Variants in SNX16 observed in about 807,000 individuals in gnomAD.
SNX16 encodes the protein sorting nexin-16.
A neutral mutation model predicts 36.7 loss-of-function variants in SNX16; 35 were observed. The ratio of observed to expected loss-of-function variants is 0.95; its 90% confidence interval spans 0.73 to 1.27. SNX16 has a LOEUF of 1.27. Among genes scored for constraint, SNX16 ranks in the 50% most tolerant of loss-of-function variants. The probability of loss-of-function intolerance (pLI) is 0.00; values close to 1 mark genes in which losing one functional copy is unlikely to be tolerated. For missense variants in SNX16, 367 were observed against 393.6 expected (o/e 0.93, Z 0.57); for synonymous variants, 134 against 132.0 (o/e 1.02, Z -0.10).
chr8:81,813,098 C>A (rs771439436), intron 5 of SNX16, among the ~76,000 whole-genome samples: 2 of 151,708 alleles, frequency 1.3e-5, no homozygotes, highest in African/African-American at 2.4e-5. Context: ...AGACAGATGT[C>A]GGAAAGAATA....
intron 2 of SNX16, among the ~76,000 whole-genome samples, chr8:81,832,992 T>C (rs559883922): frequency 6.6e-6 from 1 of 151,832 alleles, no homozygotes; most frequent in Admixed American, 6.6e-5. Context: ...AATGTGTGAC[T>C]AGTCAAAATT....
intron 1 of SNX16, among the ~76,000 whole-genome samples, chr8:81,841,460 T>C (rs1461022190): frequency 6.6e-6 from 1 of 151,562 alleles, no homozygotes; most frequent in African/African-American, 2.4e-5. Context: ...CCTGACGGCC[T>C]CCCCAAAAAC....
intron 5 of SNX16, among the ~76,000 whole-genome samples, chr8:81,805,767 A>G (rs2130593858): frequency 6.6e-6 from 1 of 152,142 alleles, no homozygotes; most frequent in Admixed American, 6.5e-5. Context: ...AAAAATACAA[A>G]AAAATTAGCT....
intron 5 of SNX16, among the ~76,000 whole-genome samples, chr8:81,810,177 C>G (rs1338454197): frequency 6.6e-6 from 1 of 151,810 alleles, no homozygotes; most frequent in African/African-American, 2.4e-5. Flanking sequence ...ACAGTAAGAC[C>G]TCATTTCTTC....
chr8:81,832,541 TA>T, intron 2 of SNX16, among the ~76,000 whole-genome samples: 1 of 152,206 alleles, frequency 6.6e-6, no homozygotes, highest in East Asian at 1.9e-4. Flanking sequence ...CCTTTGAATC[TA>T]AAATGAAAGT....
chr8:81,799,822 T>C lies in SNX16; in HGVS notation c.*1675A>G, dbSNP rs1585965609. ...TATCTAGAATTTGGCAAAGATCTGT[T>C]ATATAAGATACAGAATGGTACTGAT... On this transcript the variant is annotated 3_prime_UTR_variant, in exon 8 of 8. Coordinates refer to ENST00000345957, the MANE Select transcript of SNX16 (RefSeq NM_152836.3). 1 of 151,898 alleles carries C rather than the reference T, an allele frequency of 6.6e-6. No individual in the cohort carries two copies. Among genetic ancestry groups the C allele is most frequent in the East Asian group, 1.9e-4 (1 of 5,200 alleles). 9.4% of individuals were successfully genotyped at this position (151,898 alleles called of 1,614,324 possible).
At chr8:81,820,619 A>G (rs1297224787) in intron 4 of SNX16, among the ~76,000 whole-genome samples, 1 of 142,110 alleles carries the variant, frequency 7.0e-6, no homozygotes, top group Non-Finnish European at 1.6e-5. Context: ...TTTCTGACTT[A>G]TATCCATTTT....
rs117653912 is a variant in SNX16, at chr8:81,811,439, T to C, written c.681+3886A>G. ...ATGACCTTAACTTTAAATACACTCC[T>C]TAGACTATATACAGATCCATTACCA... On this transcript the variant is annotated intron_variant, in intron 5 of 7. Transcript: ENST00000345957. Among the ~76,000 whole-genome samples the C allele has an allele frequency of 6.5e-3, 994 of 152,298 alleles. 11 individuals are homozygous for C. The highest frequency in any genetic ancestry group is 0.011 in the Non-Finnish European group (754 of 68,012).
intron 4 of SNX16, among the ~76,000 whole-genome samples, chr8:81,822,937 TATACATATAC>T (rs1810818463): frequency 1.2e-5 from 1 of 80,998 alleles, no homozygotes; most frequent in Admixed American, 1.3e-4. Flanking sequence ...TATATATATA[TATACATATAC>T]ATATATATAT....
chr8:81,808,281 G>T (rs746318245), intron 5 of SNX16: 16 of 1,152,560 alleles, frequency 1.4e-5, no homozygotes, highest in Non-Finnish European at 2.1e-5. Context: ...ACTATACCAT[G>T]AATGGCCACA....
At chr8:81,804,267 A>AAATTATGT in intron 5 of SNX16, among the ~76,000 whole-genome samples, 1 of 152,088 alleles carries the variant, frequency 6.6e-6, no homozygotes, top group East Asian at 1.9e-4. Context: ...AAGAACTATT[A>AAATTATGT]AATTATGTAC....
intron 5 of SNX16, among the ~76,000 whole-genome samples, chr8:81,812,298 C>A (rs370349788): frequency 6.6e-4 from 100 of 151,954 alleles, no homozygotes; most frequent in African/African-American, 2.3e-3. Flanking sequence ...TGATATAAAA[C>A]ATTAATCTGT....
chr8:81,808,635 C>T (rs1810081956), intron 5 of SNX16: 1 of 936,364 alleles, frequency 1.1e-6, no homozygotes, highest in South Asian at 1.3e-5. Context: ...CTCTGGCCCC[C>T]ATGGTGGTGG....
Position 81,800,801 on chromosome 8 carries a change from A to AAATGTAACATATTAAT in SNX16, c.*680_*695dup, listed in dbSNP as rs1278530760. 1 of 152,354 alleles carries AAATGTAACATATTAAT rather than the reference A, an allele frequency of 6.6e-6. No individual in the cohort carries two copies. Among genetic ancestry groups the AAATGTAACATATTAAT allele is most frequent in the Non-Finnish European group, 1.5e-5 (1 of 67,676 alleles). 9.4% of individuals were successfully genotyped at this position (152,354 alleles called of 1,614,324 possible). ...GATAAAGATTACGTGGAAACTAAAC[A>AAATGTAACATATTAAT]AATGTAACATATTAATAACTGTGAC... On this transcript the variant is annotated 3_prime_UTR_variant, in exon 8 of 8. Coordinates refer to ENST00000345957, the MANE Select transcript of SNX16 (RefSeq NM_152836.3).
At chr8:81,808,669 G>A (rs1270605090) in intron 5 of SNX16, 22 of 995,414 alleles carry the variant, frequency 2.2e-5, no homozygotes, top group Non-Finnish European at 2.9e-5. Context: ...GCCAAACCAC[G>A]AAACCAAGGT....
chr8:81,809,728 A>G (rs1216597916), intron 5 of SNX16, among the ~76,000 whole-genome samples: 3 of 152,256 alleles, frequency 2.0e-5, no homozygotes, highest in Non-Finnish European at 4.4e-5. Context: ...TATTGTTGGT[A>G]AAAGTACAAA....
At chr8:81,833,172 CTT>C (rs34583266) in intron 2 of SNX16, among the ~76,000 whole-genome samples, 2 of 143,738 alleles carry the variant, frequency 1.4e-5, no homozygotes, top group African/African-American at 2.6e-5. Flanking sequence ...TCACCTATTT[CTT>C]TTTTTTTTTA....
At chr8:81,830,444 G>A (rs762848396) in intron 2 of SNX16, among the ~76,000 whole-genome samples, 10 of 151,846 alleles carry the variant, frequency 6.6e-5, no homozygotes, top group East Asian at 1.9e-4. Context: ...GGTGGCAGGC[G>A]CCTGTAGTCC....
In SNX16 at chr8:81,839,706, TCA is replaced by T; in HGVS notation, c.279_280del (p.Glu94ArgfsTer12). The T allele has an allele frequency of 6.2e-7, 1 of 1,613,958 alleles. No individual in the cohort carries two copies. Among genetic ancestry groups the T allele is most frequent in the Non-Finnish European group, 8.5e-7 (1 of 1,179,878 alleles). On this transcript the variant is annotated frameshift_variant, in exon 2 of 8. Transcript: ENST00000345957. LOFTEE classifies it high-confidence loss of function. Reference sequence around the variant, plus strand: ...ATTCACTGTTTCCGGATTTTGTTCTTCAGTGTCTCTTGGTCTAGTAGAATACT... The same window carrying T: ...ATTCACTGTTTCCGGATTTTGTTCTTGTGTCTCTTGGTCTAGTAGAATACT...
Sources: gnomAD v4.1 joint callset for allele counts (sites outside exome capture counted in the v4.1 genomes callset) on GRCh38, gnomAD v4.1.1 for gene constraint, MANE v1.5 for transcripts, NCBI Gene and HGNC (gene_info 2026-07-23, HGNC 2026-07-21) for gene names.